Variants in THSD7B observed in about 807,000 individuals in gnomAD.
THSD7B encodes thrombospondin type 1 domain containing 7B.
Under a neutral mutation model 213.6 loss-of-function variants are expected in THSD7B, and 138 were observed. The ratio of observed to expected loss-of-function variants is 0.65; its 90% CI spans 0.56 to 0.74. THSD7B has a LOEUF of 0.74. Among genes scored for constraint, THSD7B ranks in the 30% least tolerant of loss-of-function variants. The pLI is 0.00. For missense variants in THSD7B, 1,931 were observed against 1,991.5 expected, an observed-to-expected ratio of 0.97 and a Z score of 0.58; for synonymous variants, 742 against 687.0, an observed-to-expected ratio of 1.08 and a Z score of -1.25.
chr2:137,193,045 A>G (rs77742312), intron 7 of THSD7B, among the ~76,000 whole-genome samples: 1,732 of 152,114 alleles, frequency 0.011, 35 homozygotes, highest in East Asian at 0.05. Context: ...CTAACTGTGG[A>G]AACAGTTCAG....
chr2:136,933,208 T>A (rs1684664349), intron 2 of THSD7B, among the ~76,000 whole-genome samples: 1 of 151,128 alleles, frequency 6.6e-6, no homozygotes, highest in Admixed American at 6.6e-5. Flanking sequence ...TAATACATTT[T>A]CAAGTTGTTT....
intron 1 of THSD7B, among the ~76,000 whole-genome samples, chr2:136,782,550 C>G (rs893529278): frequency 4.0e-5 from 6 of 151,778 alleles, no homozygotes; most frequent in African/African-American, 1.5e-4. Flanking sequence ...GAAATTGCTG[C>G]GTAGCAAAGA....
intron 27 of THSD7B, among the ~76,000 whole-genome samples, chr2:137,675,700 T>A (rs1471116821): frequency 6.6e-6 from 1 of 151,944 alleles, no homozygotes; most frequent in Non-Finnish European, 1.5e-5. Context: ...GCTAATATAA[T>A]ATAAAAGCAT....
intron 2 of THSD7B, among the ~76,000 whole-genome samples, chr2:137,053,395 G>C (rs1208520038): frequency 1.3e-5 from 2 of 152,020 alleles, no homozygotes; most frequent in East Asian, 3.9e-4. Context: ...AAAAAATTTT[G>C]CTGCTTGATG....
chr2:136,998,261 C>CAAAAAAAA (rs33931359), intron 2 of THSD7B, among the ~76,000 whole-genome samples: 23 of 98,334 alleles, frequency 2.3e-4, no homozygotes, highest in East Asian at 5.4e-4. Flanking sequence ...ACTAAAAGGC[C>CAAAAAAAA]AAAAAAAAAA....
intron 10 of THSD7B, among the ~76,000 whole-genome samples, chr2:137,257,123 C>T (rs1682330300): frequency 6.6e-6 from 1 of 152,156 alleles, no homozygotes; most frequent in Non-Finnish European, 1.5e-5. Context: ...ATCCAGTCAC[C>T]TCTTAAAGGA....
intron 4 of THSD7B, among the ~76,000 whole-genome samples, chr2:137,101,611 A>G (rs903487448): frequency 2.0e-5 from 3 of 152,126 alleles, no homozygotes; most frequent in Non-Finnish European, 2.9e-5. Flanking sequence ...TCCCACCCCT[A>G]TGGAGCCCAG....
chr2:136,931,438 T>C (rs1684625352), intron 2 of THSD7B, among the ~76,000 whole-genome samples: 1 of 152,214 alleles, frequency 6.6e-6, no homozygotes, highest in South Asian at 2.1e-4. Context: ...TTTCTCTTCA[T>C]GAGACTGCCT....
chr2:136,855,318 C>T (rs560284532), intron 1 of THSD7B, among the ~76,000 whole-genome samples: 80 of 152,290 alleles, frequency 5.3e-4, no homozygotes, highest in Admixed American at 3.2e-3. Flanking sequence ...CACCACCCTA[C>T]TCTCACCACA....
intron 12 of THSD7B, among the ~76,000 whole-genome samples, chr2:137,289,621 C>T (rs1683275612): frequency 6.6e-6 from 1 of 151,978 alleles, no homozygotes; most frequent in Admixed American, 6.6e-5. Flanking sequence ...CTAGTCTCAG[C>T]AAGTAATTGT....
At chr2:136,968,423 G>A (rs1417141834) in intron 2 of THSD7B, among the ~76,000 whole-genome samples, 1 of 152,000 alleles carries the variant, frequency 6.6e-6, no homozygotes, top group Non-Finnish European at 1.5e-5. Context: ...TTTGTTGAAT[G>A]TCTATTTAAG....
intron 2 of THSD7B, among the ~76,000 whole-genome samples, chr2:137,043,202 T>TA (rs1401496589): frequency 6.6e-6 from 1 of 152,190 alleles, no homozygotes; most frequent in Non-Finnish European, 1.5e-5. Context: ...TTCTTTAACT[T>TA]ACTTTGATTA....
At chr2:137,398,732 C>G (rs568395674) in intron 12 of THSD7B, among the ~76,000 whole-genome samples, 1 of 152,216 alleles carries the variant, frequency 6.6e-6, no homozygotes, top group East Asian at 1.9e-4. Context: ...CCTAATCAAG[C>G]CTGGGCAATG....
chr2:137,422,739 AT>A (rs1218809262), intron 14 of THSD7B, among the ~76,000 whole-genome samples: 4 of 152,070 alleles, frequency 2.6e-5, no homozygotes, highest in African/African-American at 9.6e-5. Flanking sequence ...CCATACTTTA[AT>A]TTTTTTTAAT....
chr2:137,406,218 A>G (rs1377747483), intron 13 of THSD7B, among the ~76,000 whole-genome samples: 3 of 152,178 alleles, frequency 2.0e-5, no homozygotes, highest in Admixed American at 1.3e-4. Context: ...GTCTTTTGCC[A>G]TTATCTTATA....
At chr2:137,612,810 G>T (rs1227822041) in intron 17 of THSD7B, among the ~76,000 whole-genome samples, 1 of 150,248 alleles carries the variant, frequency 6.7e-6, no homozygotes, top group Non-Finnish European at 1.5e-5. Flanking sequence ...CAAGAACAAT[G>T]AGAGAAAGAT....
chr2:137,496,972 G>A (rs1005140908), intron 15 of THSD7B, among the ~76,000 whole-genome samples: 1 of 152,120 alleles, frequency 6.6e-6, no homozygotes, highest in South Asian at 2.1e-4. Context: ...GAAGGCAAAT[G>A]TGATTCTTTG....
chr2:137,491,242 C>T (rs1034727864), intron 15 of THSD7B, among the ~76,000 whole-genome samples: 4 of 152,126 alleles, frequency 2.6e-5, no homozygotes, highest in African/African-American at 7.2e-5. Flanking sequence ...CAAAAGAAAT[C>T]GTTCCTTTTT....
chr2:137,222,410 T>C (rs988193168), intron 7 of THSD7B, among the ~76,000 whole-genome samples: 3 of 152,222 alleles, frequency 2.0e-5, no homozygotes, highest in Admixed American at 6.5e-5. Context: ...AAGAAACATT[T>C]CCTACATTAC....
Sources: allele counts gnomAD v4.1 joint callset (sites outside exome capture counted in the v4.1 genomes callset), GRCh38; gene constraint gnomAD v4.1.1; transcripts MANE v1.5; gene names NCBI Gene and HGNC (gene_info 2026-07-23, HGNC 2026-07-21).